PRIM2: variants seen among roughly 807,000 people sequenced by gnomAD.
PRIM2 encodes the protein DNA primase subunit 2, also known as DNA primase large subunit.
A neutral mutation model predicts 67.3 loss-of-function variants in PRIM2; 39 were observed. The ratio of observed to expected loss-of-function variants is 0.58; its 90% CI spans 0.45 to 0.76. The LOEUF (loss-of-function observed/expected upper bound fraction) is 0.76, where lower values mean the gene tolerates loss of function less well. Ranked by LOEUF, PRIM2 falls within the 30% of genes least tolerant of loss-of-function variation. PRIM2 has a pLI of 0.00. For missense variants in PRIM2, 398 were observed against 598.7 expected (o/e 0.66, Z 3.50); for synonymous variants, 143 against 198.7 (o/e 0.72, Z 2.36).
chr6:57,406,762 T>C (rs535071071), intron 7 of PRIM2, among the ~76,000 whole-genome samples: 1 of 152,268 alleles, frequency 6.6e-6, no homozygotes, highest in Admixed American at 6.5e-5. Context: ...AAAATCTTAT[T>C]TTTAATAATT....
chr6:57,288,575 C>G, the PRIM2 span, among the ~76,000 whole-genome samples: 4 of 152,016 alleles, frequency 2.6e-5, no homozygotes, highest in African/African-American at 9.7e-5. Flanking sequence ...GACAGGGGGC[C>G]CCTCTGGGAC....
At chr6:57,310,263 A>G (rs1270841174), upstream of PRIM2, among the ~76,000 whole-genome samples, 2 of 152,262 alleles carry the variant, frequency 1.3e-5, no homozygotes, top group African/African-American at 2.4e-5. Flanking sequence ...CTTAACAAGC[A>G]TGCTGCCTTC....
rs534920010 is a variant in PRIM2 at position 57,339,238 on chromosome 6, C to T, written c.459+13193C>T. ...AAGAAATGGAAGAACATTCCATGCT[C>T]ATGGGTAGGAAGAATCAATATCGTG... On this transcript the variant is annotated intron_variant, in intron 5 of 13. Coordinates refer to ENST00000615550, the MANE Select transcript of PRIM2 (RefSeq NM_000947.5). Among the ~76,000 whole-genome samples, 16 of 152,300 alleles carry T rather than the reference C, an allele frequency of 1.1e-4. No homozygotes were observed. The South Asian group carries it at 3.3e-3, about 32-fold the overall frequency.
chr6:57,452,685 C>T (rs1417616296), intron 7 of PRIM2, among the ~76,000 whole-genome samples: 1 of 152,184 alleles, frequency 6.6e-6, no homozygotes, highest in Admixed American at 6.5e-5. Context: ...TGGATATTAG[C>T]CCTTTGTCAG....
chr6:57,230,076 G>C, the PRIM2 span, among the ~76,000 whole-genome samples: 4 of 152,190 alleles, frequency 2.6e-5, no homozygotes, highest in African/African-American at 9.7e-5. Flanking sequence ...TTCTCAGCTT[G>C]GAATGCCCAC....
chr6:57,605,961 CA>C (rs1776554790), intron 11 of PRIM2, among the ~76,000 whole-genome samples: 1 of 151,914 alleles, frequency 6.6e-6, no homozygotes, highest in South Asian at 2.1e-4. Context: ...GCATGTTTTT[CA>C]TTTTGTTTAT....
intron 7 of PRIM2, among the ~76,000 whole-genome samples, chr6:57,415,745 A>G (rs1449523290): frequency 1.3e-5 from 2 of 152,244 alleles, no homozygotes; most frequent in Admixed American, 6.5e-5. Flanking sequence ...CATTTCAACA[A>G]TGTTCATAGC....
At chr6:57,537,969 T>G (rs1293538331) in intron 10 of PRIM2, among the ~76,000 whole-genome samples, 1 of 152,120 alleles carries the variant, frequency 6.6e-6, no homozygotes, top group Non-Finnish European at 1.5e-5. Flanking sequence ...AATGGAACAA[T>G]TTAAAATATT....
At chr6:57,585,613 G>A (rs1294345985) in intron 10 of PRIM2, among the ~76,000 whole-genome samples, 2,374 of 152,130 alleles carry the variant, frequency 0.016, 21 homozygotes, top group African/African-American at 0.024. Flanking sequence ...GCAGGGATGC[G>A]GAATTTGATT....
rs150376171 is a variant in PRIM2, at chr6:57,328,706, G to A, written c.459+2661G>A. Among the ~76,000 whole-genome samples, 728 of 152,234 alleles carry A rather than the reference G, an allele frequency of 4.8e-3. 3 individuals are homozygous for A. The highest frequency in any genetic ancestry group is 8.4e-3 in the Admixed American group (128 of 15,282). On this transcript the variant is annotated intron_variant, in intron 5 of 13. Transcript: ENST00000615550. Reference sequence around the variant, plus strand: ...AGGAGTAGAATTGCTAGGTCATAGGGTGATTCTGTGTTTAAACTTTTGAGG... The same window carrying A: ...AGGAGTAGAATTGCTAGGTCATAGGATGATTCTGTGTTTAAACTTTTGAGG...
chr6:57,551,242 ATTG>A (rs1304331199), intron 10 of PRIM2, among the ~76,000 whole-genome samples: 36 of 152,220 alleles, frequency 2.4e-4, no homozygotes, highest in Non-Finnish European at 4.3e-4. Context: ...TAATAGTGCG[ATTG>A]TTGTTGTTGT....
At chr6:57,521,532 G>A (rs1236981783) in intron 8 of PRIM2, among the ~76,000 whole-genome samples, 2 of 151,888 alleles carry the variant, frequency 1.3e-5, no homozygotes, top group African/African-American at 4.8e-5. Context: ...AGGCTGTATT[G>A]GAACTTGGTA....
At chr6:57,483,846 T>A (rs1325518756) in intron 7 of PRIM2, among the ~76,000 whole-genome samples, 1 of 152,244 alleles carries the variant, frequency 6.6e-6, no homozygotes, top group African/African-American at 2.4e-5. Context: ...AAATATTTAT[T>A]TTCTTTGAAA....
the PRIM2 span, among the ~76,000 whole-genome samples, chr6:57,276,718 AC>A: frequency 6.6e-6 from 1 of 151,456 alleles, no homozygotes; most frequent in Non-Finnish European, 1.5e-5. Context: ...ACATGGTGAA[AC>A]CCATCTCTAA....
At chr6:57,403,218 T>G (rs1439146312) in intron 7 of PRIM2, among the ~76,000 whole-genome samples, 3 of 151,868 alleles carry the variant, frequency 2.0e-5, no homozygotes, top group Non-Finnish European at 4.4e-5. Context: ...GTATATTAGG[T>G]GTTTCTTTGA....
chr6:57,468,590 C>CT (rs1345577579), intron 7 of PRIM2, among the ~76,000 whole-genome samples: 2 of 152,094 alleles, frequency 1.3e-5, no homozygotes, highest in East Asian at 3.8e-4. Flanking sequence ...CTGAAATTTT[C>CT]TTTTTTTGTT....
chr6:57,593,191 C>T (rs1476529366), intron 10 of PRIM2, among the ~76,000 whole-genome samples: 3 of 152,196 alleles, frequency 2.0e-5, no homozygotes, highest in East Asian at 1.9e-4. Flanking sequence ...CAAACTGCCA[C>T]GTACCCACCT....
At chr6:57,482,774 T>G (rs1334405118) in intron 7 of PRIM2, among the ~76,000 whole-genome samples, 2 of 152,174 alleles carry the variant, frequency 1.3e-5, no homozygotes, top group Admixed American at 1.3e-4. Flanking sequence ...AAGTATCAGC[T>G]TTGTCAAGGA....
chr6:57,451,177 G>C (rs185798579), intron 7 of PRIM2, among the ~76,000 whole-genome samples: 1 of 152,112 alleles, frequency 6.6e-6, no homozygotes. Context: ...GTCTCACTCT[G>C]TTGCCCAGGC....
Sources: allele counts gnomAD v4.1 joint callset (sites outside exome capture counted in the v4.1 genomes callset), GRCh38; gene constraint gnomAD v4.1.1; transcripts MANE v1.5; gene names NCBI Gene and HGNC (gene_info 2026-07-23, HGNC 2026-07-21).